IGFBP7: variants seen among roughly 807,000 people sequenced by gnomAD.
IGFBP7 encodes the protein insulin-like growth factor-binding protein 7.
In IGFBP7, 31 loss-of-function variants were observed where a neutral mutation model predicts 29.4. That is an observed-to-expected ratio of 1.05 (90% CI 0.79 to 1.42). The LOEUF (loss-of-function observed/expected upper bound fraction) is 1.42, where lower values mean the gene tolerates loss of function less well. Among genes scored for constraint, IGFBP7 ranks in the 40% most tolerant of loss-of-function variants. IGFBP7 has a pLI of 0.00. For synonymous variants in IGFBP7, 172 were observed against 174.9 expected (o/e 0.98, Z 0.13); for missense variants, 393 against 395.5 (o/e 0.99, Z 0.05).
chr4:57,032,196 T>C, intron 4 of IGFBP7: 1 of 1,143,146 alleles, frequency 8.7e-7, no homozygotes, highest in South Asian at 2.4e-5. Context: ...GACTCTTACA[T>C]GTTAGATAAG....
At position 57,055,753 on chromosome 4, in the gene IGFBP7, G is replaced by T. The variant is rs575237834; in HGVS notation, c.476-14820C>A. 2.2e-4 allele frequency among the ~76,000 whole-genome samples: 34 copies of T among 152,214 alleles called. 1 individual carries two copies. The East Asian group carries it at 6.2e-3, about 28-fold the overall frequency. ...TTCCTGCCCTTGACTGTTCTGTATG[G>T]AGATGGGGCTCTGTGTCTGGAGTGC... On this transcript the variant is annotated intron_variant, in intron 1 of 4. Coordinates refer to ENST00000295666, the MANE Select transcript of IGFBP7 (RefSeq NM_001553.3).
chr4:57,109,532 G>C (rs1726119706), intron 1 of IGFBP7, among the ~76,000 whole-genome samples: 1 of 152,194 alleles, frequency 6.6e-6, no homozygotes, highest in Non-Finnish European at 1.5e-5. Flanking sequence ...CCCAAGCCAA[G>C]AATGATGAGA....
In IGFBP7 at chr4:57,039,880, C is replaced by T. The variant is rs1288275002; in HGVS notation, c.585+944G>A. Reference sequence around the variant, plus strand: ...GACTCAAGTGATCCTCCTGCCTCAGCCTCCCAAAGTGCTGGGATTACAGGC... The same window carrying T: ...GACTCAAGTGATCCTCCTGCCTCAGTCTCCCAAAGTGCTGGGATTACAGGC... On this transcript the variant is annotated intron_variant, in intron 2 of 4. Coordinates refer to ENST00000295666, the MANE Select transcript of IGFBP7 (RefSeq NM_001553.3). 2.6e-5 allele frequency among the ~76,000 whole-genome samples: 4 copies of T among 152,166 alleles called. No individual in the cohort carries two copies. The East Asian group carries it at 7.7e-4, about 29-fold the overall frequency.
At chr4:57,036,155 G>T (rs1724079897) in intron 2 of IGFBP7, among the ~76,000 whole-genome samples, 1 of 152,222 alleles carries the variant, frequency 6.6e-6, no homozygotes. Flanking sequence ...TGAAGTATTT[G>T]TTGAGAAAAG....
chr4:57,059,020 A>C (rs1724735911), intron 1 of IGFBP7, among the ~76,000 whole-genome samples: 1 of 152,340 alleles, frequency 6.6e-6, no homozygotes, highest in South Asian at 2.1e-4. Flanking sequence ...ATCATTAGAG[A>C]AATGCAGATC....
intron 2 of IGFBP7, among the ~76,000 whole-genome samples, chr4:57,039,366 T>A (rs1724163393): frequency 6.6e-6 from 1 of 152,192 alleles, no homozygotes; most frequent in African/African-American, 2.4e-5. Flanking sequence ...GAGTTGAGGC[T>A]AACAGCAGTG....
intron 1 of IGFBP7, among the ~76,000 whole-genome samples, chr4:57,095,787 A>G (rs888999591): frequency 6.6e-6 from 1 of 152,164 alleles, no homozygotes; most frequent in African/African-American, 2.4e-5. Context: ...AAGTGACAAG[A>G]GATACTCCCC....
chr4:57,069,292 T>C (rs933366354), intron 1 of IGFBP7, among the ~76,000 whole-genome samples: 16 of 152,002 alleles, frequency 1.1e-4, no homozygotes, highest in African/African-American at 3.9e-4. Flanking sequence ...GAAAAGAGAA[T>C]CAAGACAGCA....
At chr4:57,081,605 T>C (rs1009601983) in intron 1 of IGFBP7, among the ~76,000 whole-genome samples, 22 of 152,070 alleles carry the variant, frequency 1.4e-4, no homozygotes, top group Non-Finnish European at 2.8e-4. Context: ...GCGGGAAACA[T>C]CAACCACCAC....
At chr4:57,101,037 C>T (rs1477841099) in intron 1 of IGFBP7, among the ~76,000 whole-genome samples, 1 of 152,216 alleles carries the variant, frequency 6.6e-6, no homozygotes, top group Non-Finnish European at 1.5e-5. Flanking sequence ...GCATTCCTTG[C>T]CCTCAAGGCA....
intron 1 of IGFBP7, among the ~76,000 whole-genome samples, chr4:57,092,241 G>A (rs991602653): frequency 3.3e-5 from 5 of 152,114 alleles, no homozygotes; most frequent in Non-Finnish European, 7.4e-5. Context: ...ATGTACAAAG[G>A]AATATTCTTT....
At chr4:57,067,623 C>T (rs1724950926) in intron 1 of IGFBP7, among the ~76,000 whole-genome samples, 1 of 152,128 alleles carries the variant, frequency 6.6e-6, no homozygotes, top group Non-Finnish European at 1.5e-5. Flanking sequence ...TTATAGTTAA[C>T]AGCACTGTAC....
intron 1 of IGFBP7, among the ~76,000 whole-genome samples, chr4:57,082,370 T>C (rs1355133745): frequency 6.6e-6 from 1 of 152,172 alleles, no homozygotes; most frequent in Non-Finnish European, 1.5e-5. Context: ...TTCTGGGACC[T>C]GCGTCTTTGG....
At chr4:57,095,443 G>A (rs1442058137) in intron 1 of IGFBP7, among the ~76,000 whole-genome samples, 1 of 152,138 alleles carries the variant, frequency 6.6e-6, no homozygotes, top group Non-Finnish European at 1.5e-5. Context: ...CTGTTTAACT[G>A]AAGGGCAAGG....
intron 1 of IGFBP7, among the ~76,000 whole-genome samples, chr4:57,104,132 C>T (rs924244386): frequency 6.6e-6 from 1 of 151,780 alleles, no homozygotes; most frequent in Admixed American, 6.6e-5. Flanking sequence ...GCTTTTTTTT[C>T]ACTTAATATA....
intron 1 of IGFBP7, among the ~76,000 whole-genome samples, chr4:57,057,250 T>A (rs1441961590): frequency 6.6e-6 from 1 of 152,320 alleles, no homozygotes; most frequent in East Asian, 1.9e-4. Context: ...GCTCAAGTGA[T>A]CCCCCTGCCT....
At position 57,110,092 on chromosome 4, in the gene IGFBP7, C is replaced by A; in HGVS notation, c.260G>T (p.Cys87Phe). 1 of 1,543,002 alleles carries A rather than the reference C, an allele frequency of 6.5e-7. No individual in the cohort carries two copies. The highest frequency in any genetic ancestry group is 8.7e-7 in the Non-Finnish European group (1 of 1,151,156). ...GRGYCAPGME[C>F]VKSRKRRKGK... ...CTTCCGCCTCTTGCGGCTCTTCACG[C>A]ACTCCATGCCCGGCGCGCAGTACCC... is the stretch of plus-strand genomic sequence containing the variant. The change falls in exon 1 of 5, where the codon TGC becomes TTC. Residue 87 changes from cysteine to phenylalanine, a missense_variant. By Grantham distance (205) the Cys-to-Phe change is radical. Coordinates refer to ENST00000295666, the MANE Select transcript of IGFBP7 (RefSeq NM_001553.3).
At chr4:57,081,078 C>A (rs1725355953) in intron 1 of IGFBP7, among the ~76,000 whole-genome samples, 1 of 152,204 alleles carries the variant, frequency 6.6e-6, no homozygotes, top group Non-Finnish European at 1.5e-5. Flanking sequence ...GGAGCTTCCC[C>A]CTTTTGTCAG....
intron 2 of IGFBP7, among the ~76,000 whole-genome samples, chr4:57,035,464 T>C (rs1724059725): frequency 6.6e-6 from 1 of 151,320 alleles, no homozygotes; most frequent in Non-Finnish European, 1.5e-5. Context: ...TGTGTTTTCT[T>C]TTTTTTTTGA....
Sources: allele counts gnomAD v4.1 joint callset (sites outside exome capture counted in the v4.1 genomes callset), GRCh38; gene constraint gnomAD v4.1.1; transcripts MANE v1.5; gene names NCBI Gene and HGNC (gene_info 2026-07-23, HGNC 2026-07-21).